The following BBX variants were observed in gnomAD, a reference collection of about 807,000 sequenced individuals.
The protein encoded by BBX is HMG box transcription factor BBX.
In BBX, 30 loss-of-function variants were observed where a neutral mutation model predicts 100.2. That is an observed-to-expected ratio of 0.30 (90% confidence interval 0.22 to 0.41). The LOEUF is 0.41. Ranked by LOEUF, BBX falls within the 10% of genes least tolerant of loss-of-function variation. The pLI is 1.00. For synonymous variants in BBX, 376 were observed against 388.1 expected, an observed-to-expected ratio of 0.97 and a Z score of 0.37; for missense variants, 1,023 against 1,129.8, an observed-to-expected ratio of 0.91 and a Z score of 1.35.
intron 3 of BBX, chr3:107,659,798 C>T: frequency 8.1e-7 from 1 of 1,237,504 alleles, no homozygotes. Flanking sequence ...GAAGTGGTAC[C>T]CTGGGTTTAG....
chr3:107,559,351 A>G (rs2050316771), intron 2 of BBX, among the ~76,000 whole-genome samples: 2 of 152,224 alleles, frequency 1.3e-5, no homozygotes, highest in Admixed American at 1.3e-4. Flanking sequence ...AGCTGAGGCA[A>G]TTAAACTGGA....
At chr3:107,560,384 T>C (rs1336275047) in intron 2 of BBX, among the ~76,000 whole-genome samples, 2 of 152,204 alleles carry the variant, frequency 1.3e-5, no homozygotes, top group East Asian at 3.8e-4. Flanking sequence ...CTTAGATTTA[T>C]AAATAAAAGA....
intron 2 of BBX, among the ~76,000 whole-genome samples, chr3:107,615,483 G>A (rs2055181054): frequency 6.6e-6 from 1 of 152,096 alleles, no homozygotes; most frequent in Admixed American, 6.5e-5. Flanking sequence ...ATTGTAGAAA[G>A]AGCAAGGCTG....
chr3:107,589,974 AT>A (rs970307889), intron 2 of BBX, among the ~76,000 whole-genome samples: 1 of 151,454 alleles, frequency 6.6e-6, no homozygotes, highest in African/African-American at 2.4e-5. Flanking sequence ...TGGTACTTTC[AT>A]TTTTTTTATA....
At chr3:107,762,790 T>C (rs776243048) in intron 10 of BBX, among the ~76,000 whole-genome samples, 5 of 152,112 alleles carry the variant, frequency 3.3e-5, no homozygotes, top group Non-Finnish European at 5.9e-5. Flanking sequence ...AAAGAGAAAT[T>C]ATATGGTGCA....
At chr3:107,795,772 G>A (rs907045808) in intron 15 of BBX, among the ~76,000 whole-genome samples, 8 of 151,900 alleles carry the variant, frequency 5.3e-5, no homozygotes, top group Non-Finnish European at 1.0e-4. Context: ...GCTTTCCATA[G>A]TCACAGTCTG....
rs1374541001 is a variant in BBX at position 107,773,406 on chromosome 3, A to G, written c.1685A>G (p.Lys562Arg). ...GATTTCATTAGTATTTCTGCTAGCA[A>G]GAACATTTCTGGTGAGACACCAGAG... ...PPDFISISASKNISGETPEGI... is the reference protein window; with the variant it reads ...PPDFISISASRNISGETPEGI... The change falls in exon 11 of 18, where the codon AAG becomes AGG. Residue 562 changes from lysine to arginine, a missense_variant. Coordinates refer to ENST00000325805, the MANE Select transcript of BBX (RefSeq NM_001142568.3). The surrounding 1 kb of genome is among the most constrained non-coding windows in gnomAD (Gnocchi z 4.1). 1.2e-6 allele frequency: 2 copies of G among 1,614,144 alleles called. No homozygotes were observed. The highest frequency in any genetic ancestry group is 1.3e-5 in the African/African-American group (1 of 75,054).
At chr3:107,657,194 T>C (rs1486095344) in intron 3 of BBX, 1 of 152,192 alleles carries the variant, frequency 6.6e-6, no homozygotes, top group Non-Finnish European at 1.5e-5. Flanking sequence ...TTCATTCTTC[T>C]GTAGTGTGTT....
intron 2 of BBX, among the ~76,000 whole-genome samples, chr3:107,551,207 A>G (rs2049644168): frequency 6.6e-6 from 1 of 152,228 alleles, no homozygotes; most frequent in Non-Finnish European, 1.5e-5. Flanking sequence ...ATACTCACAT[A>G]CAAACACACA....
At chr3:107,700,416 T>TCA (rs2060951115) in intron 3 of BBX, among the ~76,000 whole-genome samples, 3 of 28,042 alleles carry the variant, frequency 1.1e-4, no homozygotes, top group African/African-American at 6.0e-4. Flanking sequence ...TTCATCATCA[T>TCA]TATTATTATT....
rs138665243 is a variant in BBX, at chr3:107,680,480, G to A, written c.-9-29972G>A. On this transcript the variant is annotated intron_variant, in intron 3 of 17. Coordinates refer to ENST00000325805, the MANE Select transcript of BBX (RefSeq NM_001142568.3). ...ATGAGGTTGTTGATTGACTTGAAGA[G>A]GTGACAGAGCCAAATTTATGAAAGC... Among the ~76,000 whole-genome samples the A allele has an allele frequency of 2.6e-3, 395 of 152,218 alleles. 1 individual carries two copies. The highest frequency in any genetic ancestry group is 8.6e-3 in the African/African-American group (359 of 41,540).
intron 5 of BBX, among the ~76,000 whole-genome samples, chr3:107,726,438 G>A (rs532072997): frequency 6.9e-6 from 1 of 144,110 alleles, no homozygotes; most frequent in South Asian, 2.3e-4. Context: ...TATCTCTCAC[G>A]TTCTTAACTC....
intron 3 of BBX, among the ~76,000 whole-genome samples, chr3:107,652,108 G>A (rs1271109284): frequency 2.0e-5 from 3 of 152,052 alleles, no homozygotes; most frequent in Non-Finnish European, 4.4e-5. Context: ...TTTCTATTAG[G>A]TAAGTCAGTT....
Position 107,791,317 on chromosome 3 carries a change from A to G in BBX, c.2353+18A>G. ...TACAGAAGGTAAGACAAGCAATGTTATTTAATTTGAGACAATCGGAGCTGG... is the reference window on the plus strand; with the variant it reads ...TACAGAAGGTAAGACAAGCAATGTTGTTTAATTTGAGACAATCGGAGCTGG... On this transcript the variant is annotated intron_variant, in intron 15 of 17. Coordinates refer to ENST00000325805, the MANE Select transcript of BBX (RefSeq NM_001142568.3). 1 of 1,603,962 alleles carries G rather than the reference A, an allele frequency of 6.2e-7. No homozygotes were observed. Among genetic ancestry groups the G allele is most frequent in the Non-Finnish European group, 8.5e-7 (1 of 1,171,796 alleles).
Position 107,772,930 on chromosome 3 carries a change from T to C in BBX, c.1209T>C (p.Cys403=). ...AAGAGTTAGAAGAAGATCACAAATGTAGTCATTTTCCTGATTTTTCTTATT... is the reference window on the plus strand; with the variant it reads ...AAGAGTTAGAAGAAGATCACAAATGCAGTCATTTTCCTGATTTTTCTTATT... ...RKEELEEDHK[C]SHFPDFSYSA... is the part of the protein sequence containing the mutation. Residue 403 remains cysteine (C), a synonymous_variant, in exon 11 of 18, where the codon TGT becomes TGC. Transcript: ENST00000325805. The C allele has an allele frequency of 1.9e-6, 3 of 1,611,842 alleles. No homozygotes were observed. The highest frequency in any genetic ancestry group is 2.5e-6 in the Non-Finnish European group (3 of 1,179,450).
chr3:107,613,941 G>GTTTTTT lies in BBX; in HGVS notation c.-83-31871_-83-31866dup, dbSNP rs533672871. Among the ~76,000 whole-genome samples, 18 of 86,584 alleles carry GTTTTTT rather than the reference G, an allele frequency of 2.1e-4. 1 individual carries two copies. The highest frequency in any genetic ancestry group is 2.6e-4 in the Non-Finnish European group (11 of 41,634). 56.8% of individuals were successfully genotyped at this position (86,584 alleles called of 152,430 possible). On this transcript the variant is annotated intron_variant, in intron 2 of 17. Transcript: ENST00000325805. ...TGAAATTCAGGGTCAACATACCATG[G>GTTTTTT]TTTTTTTTTTTTTTTTTTTTTTTTT...
intron 3 of BBX, among the ~76,000 whole-genome samples, chr3:107,699,177 T>TGGAG (rs2060870903): frequency 6.6e-6 from 1 of 151,618 alleles, no homozygotes; most frequent in Non-Finnish European, 1.5e-5. Context: ...AAGTGTAGGG[T>TGGAG]GCTGTGGAGA....
intron 3 of BBX, among the ~76,000 whole-genome samples, chr3:107,650,814 C>T (rs2057796157): frequency 6.6e-6 from 1 of 152,114 alleles, no homozygotes. Context: ...AAACAAGTGT[C>T]AGACTGGGTG....
intron 5 of BBX, among the ~76,000 whole-genome samples, chr3:107,727,168 A>G (rs1468321719): frequency 6.6e-6 from 1 of 152,122 alleles, no homozygotes; most frequent in Non-Finnish European, 1.5e-5. Context: ...GTCTTTTGAC[A>G]CTTTATAAAG....
Sources: allele counts gnomAD v4.1 joint callset (sites outside exome capture counted in the v4.1 genomes callset), GRCh38; gene constraint gnomAD v4.1.1; non-coding constraint Gnocchi (gnomAD v3.1); transcripts MANE v1.5; gene names NCBI Gene and HGNC (gene_info 2026-07-23, HGNC 2026-07-21).